Variants in CARS2 observed in about 807,000 individuals in gnomAD.
The protein encoded by CARS2 is probable cysteine--tRNA ligase, mitochondrial.
CARS2 carries 52 observed loss-of-function variants against 68.8 expected under a neutral mutation model. That is an observed-to-expected ratio of 0.76 (90% confidence interval 0.61 to 0.95). The LOEUF (loss-of-function observed/expected upper bound fraction) is 0.95. Ranked by LOEUF, CARS2 falls within the 40% of genes least tolerant of loss-of-function variation. CARS2 has a pLI of 0.00. For synonymous variants in CARS2, 314 were observed against 303.6 expected, an observed-to-expected ratio of 1.03 and a Z score of -0.36; for missense variants, 780 against 754.2, an observed-to-expected ratio of 1.03 and a Z score of -0.40.
At chr13:110,706,458 G>C (rs1195262200), upstream of CARS2, 1 of 166,030 alleles carries the variant, frequency 6.0e-6, no homozygotes, top group Non-Finnish European at 1.3e-5. Flanking sequence ...CCGCCGCGCG[G>C]GAGGAGCGTT....
intron 5 of CARS2, among the ~76,000 whole-genome samples, chr13:110,684,519 G>T (rs80030913): frequency 6.6e-6 from 1 of 150,890 alleles, no homozygotes; most frequent in Non-Finnish European, 1.5e-5. Context: ...GGACAGGGCA[G>T]GGTTTTCTGT....
chr13:110,652,989 C>A (rs1320970517), intron 9 of CARS2, among the ~76,000 whole-genome samples: 6 of 152,224 alleles, frequency 3.9e-5, no homozygotes, highest in African/African-American at 1.4e-4. Context: ...CACACCACAA[C>A]TCACACGAGA....
chr13:110,712,169 A>C (rs1213864360), intron 1 of CARS2: 1 of 152,220 alleles, frequency 6.6e-6, no homozygotes, highest in African/African-American at 2.4e-5. Context: ...GAGTTGATAC[A>C]GAAACACTGC....
upstream of CARS2, among the ~76,000 whole-genome samples, chr13:110,709,245 C>T (rs2064007023): frequency 6.6e-6 from 1 of 151,914 alleles, no homozygotes; most frequent in Admixed American, 6.6e-5. Context: ...CAGGCATGTG[C>T]CACCATGCCC....
At chr13:110,711,185 T>C (rs768081462), upstream of CARS2, among the ~76,000 whole-genome samples, 1 of 152,214 alleles carries the variant, frequency 6.6e-6, no homozygotes, top group Non-Finnish European at 1.5e-5. Flanking sequence ...GACATAATGT[T>C]TGTTTCCACA....
chr13:110,685,677 GAT>G (rs1264782917), intron 5 of CARS2, among the ~76,000 whole-genome samples: 4 of 152,164 alleles, frequency 2.6e-5, no homozygotes, highest in Admixed American at 2.0e-4. Flanking sequence ...GTACAGCAGA[GAT>G]ATCAAGGCTG....
intron 6 of CARS2, among the ~76,000 whole-genome samples, chr13:110,682,197 A>G (rs1477172740): frequency 1.3e-5 from 2 of 152,204 alleles, no homozygotes; most frequent in Non-Finnish European, 2.9e-5. Context: ...AATGGCTCTA[A>G]AAAGCAAATC....
At position 110,713,246 on chromosome 13, in the gene CARS2, T is replaced by TG. The variant is rs146231445; in HGVS notation, n.289dup. On this transcript the variant is annotated non_coding_transcript_exon_variant, in exon 1 of 3. Coordinates refer to the CARS2 transcript ENST00000485188. ...TTCGGGCCCTACTTATACTGCTCTG[T>TG]GGGGCGGGGACGAAGAGTCAGGGGC... is the stretch of plus-strand genomic sequence containing the variant. 3,869 of 1,351,450 alleles carry TG rather than the reference T, an allele frequency of 2.9e-3. 20 individuals are homozygous for TG. Among genetic ancestry groups the TG allele is most frequent in the South Asian group, 0.016 (814 of 52,132 alleles). The allele number at this position is 1,351,450 out of a possible 1,614,324, so 83.7% of individuals were successfully genotyped here.
chr13:110,662,404 C>T (rs2062535733), intron 9 of CARS2, among the ~76,000 whole-genome samples: 1 of 152,190 alleles, frequency 6.6e-6, no homozygotes, highest in Admixed American at 6.5e-5. Context: ...GGTTTGGACC[C>T]CCTCTGCGTC....
upstream of CARS2, chr13:110,706,395 G>T: frequency 4.7e-6 from 1 of 212,742 alleles, no homozygotes; most frequent in Non-Finnish European, 9.3e-6. Context: ...CTCCTTATTA[G>T]CCCAGGTCCT....
At chr13:110,709,730 T>C (rs1366987129), upstream of CARS2, among the ~76,000 whole-genome samples, 1 of 151,952 alleles carries the variant, frequency 6.6e-6, no homozygotes, top group Non-Finnish European at 1.5e-5. Flanking sequence ...TATATATGTA[T>C]ATACATTATA....
rs766298466 is a variant in CARS2, at chr13:110,644,141, GA to G, written c.1416+243del. ...GCAGAGCTGGCGACATTCTGTTGCT[GA>G]GATGGACTCATCTCTGGTTCTGCGC... is the stretch of plus-strand genomic sequence containing the variant. On this transcript the variant is annotated intron_variant, in intron 13 of 14. Coordinates refer to ENST00000257347, the MANE Select transcript of CARS2 (RefSeq NM_024537.4). 1.3e-5 allele frequency: 19 copies of G among 1,410,952 alleles called. No homozygotes were observed. In the South Asian group the frequency reaches 2.3e-4, roughly 17 times the overall value. The allele number at this position is 1,410,952 out of a possible 1,614,324, so 87.4% of individuals were successfully genotyped here. A position where few individuals can be genotyped will look rare whatever the true frequency, so the allele number is the denominator to read the frequency against.
intron 14 of CARS2, 37 bp from the exon 15 acceptor site, chr13:110,641,645 A>G: frequency 6.6e-7 from 1 of 1,523,270 alleles, no homozygotes; most frequent in Non-Finnish European, 9.1e-7. Context: ...CTGAGCAGAC[A>G]CCACGTCATG....
chr13:110,643,401 C>T, intron 13 of CARS2: 1 of 154,566 alleles, frequency 6.5e-6, no homozygotes, highest in East Asian at 1.9e-4. Flanking sequence ...GAAAGGGGAA[C>T]TAAGTCTACC....
rs915529407 is a variant in CARS2, at chr13:110,676,202, G to C, written c.785+772C>G. 6.6e-6 allele frequency among the ~76,000 whole-genome samples: 1 copy of C among 152,220 alleles called. No individual in the cohort carries two copies. Among genetic ancestry groups the C allele is most frequent in the African/African-American group, 2.4e-5 (1 of 41,466 alleles). On this transcript the variant is annotated intron_variant, in intron 7 of 14. Coordinates refer to ENST00000257347, the MANE Select transcript of CARS2 (RefSeq NM_024537.4). This position sits in a 1 kb window ranked among gnomAD's most constrained non-coding sequence, Gnocchi z 4.0. The stretch of plus-strand genomic sequence containing the variant: ...AAACTAACTGTGGCGAGCCCCATGG[G>C]CAGCTGTGCAGCACGGGGCACGGGC...
At chr13:110,702,375 C>T (rs796531511) in intron 2 of CARS2, among the ~76,000 whole-genome samples, 13 of 152,322 alleles carry the variant, frequency 8.5e-5, no homozygotes, top group African/African-American at 3.1e-4. Flanking sequence ...CCTCTTACAG[C>T]TCAGTCGGCT....
intron 8 of CARS2, chr13:110,664,396 C>A: frequency 3.9e-6 from 1 of 258,158 alleles, no homozygotes; most frequent in Non-Finnish European, 6.1e-6. Context: ...GCAGTCCCAA[C>A]ATCCCAACAA....
At chr13:110,666,577 A>G in intron 8 of CARS2, 1 of 985,426 alleles carries the variant, frequency 1.0e-6, no homozygotes, top group Non-Finnish European at 1.2e-6. Context: ...GAAGAAACCC[A>G]AGTGAACTCT....
chr13:110,703,223 CT>C (rs1329320578), intron 2 of CARS2, among the ~76,000 whole-genome samples: 1 of 152,222 alleles, frequency 6.6e-6, no homozygotes, highest in African/African-American at 2.4e-5. Context: ...CAAATTCTAC[CT>C]TTCTGCAGCA....
Sources: allele counts gnomAD v4.1 joint callset (sites outside exome capture counted in the v4.1 genomes callset), GRCh38; gene constraint gnomAD v4.1.1; non-coding constraint Gnocchi (gnomAD v3.1); transcripts MANE v1.5; gene names NCBI Gene and HGNC (gene_info 2026-07-23, HGNC 2026-07-21).